Variants in ACSM3 observed in about 807,000 individuals in gnomAD.
The protein encoded by ACSM3 is acyl-CoA synthetase medium chain family member 3.
In ACSM3, 61 loss-of-function variants were observed where a neutral mutation model predicts 74.1. The observed-to-expected ratio is 0.82, with a 90% CI of 0.67 to 1.02. The LOEUF (loss-of-function observed/expected upper bound fraction) is 1.02. ACSM3 is among the 50% of genes least tolerant of loss of function. ACSM3 has a pLI of 0.00. For missense variants in ACSM3, 660 were observed against 697.0 expected, an observed-to-expected ratio of 0.95 and a Z score of 0.60; for synonymous variants, 213 against 241.5, an observed-to-expected ratio of 0.88 and a Z score of 1.09.
At chr16:20,793,798 T>A (rs2080659320) in intron 12 of ACSM3, among the ~76,000 whole-genome samples, 1 of 152,230 alleles carries the variant, frequency 6.6e-6, no homozygotes, top group South Asian at 2.1e-4. Context: ...GAGTCTTAGC[T>A]CTTCCTGTAC....
chr16:20,739,002 T>C, intron 1 of ACSM3: 1 of 1,614,208 alleles, frequency 6.2e-7, no homozygotes, highest in Non-Finnish European at 8.5e-7. Context: ...CCAACTTCTT[T>C]CTTCAAGGCA....
At chr16:20,737,753 T>C in intron 1 of ACSM3, 1 of 1,613,788 alleles carries the variant, frequency 6.2e-7, no homozygotes, top group South Asian at 1.1e-5. Context: ...TGACTGTTAT[T>C]TCGAGATTTG....
chr16:20,720,412 C>T (rs534148070), intron 1 of ACSM3, among the ~76,000 whole-genome samples: 14 of 152,176 alleles, frequency 9.2e-5, no homozygotes, highest in African/African-American at 3.4e-4. Context: ...CAATAGGGTA[C>T]GCACTCCTAT....
chr16:20,792,917 C>T (rs556461851), intron 12 of ACSM3, among the ~76,000 whole-genome samples: 1 of 152,274 alleles, frequency 6.6e-6, no homozygotes, highest in South Asian at 2.1e-4. Context: ...CAGCCTCCTG[C>T]GTTTTGCCTG....
chr16:20,681,957 A>T, intron 1 of ACSM3: 1 of 255,502 alleles, frequency 3.9e-6, no homozygotes, highest in South Asian at 5.5e-5. Flanking sequence ...AAGTTGTAAA[A>T]CATGTTTTTC....
In ACSM3 at chr16:20,764,166, CT is replaced by C. The variant is rs1445809734; in HGVS notation, c.-52+42del. On this transcript the variant is annotated intron_variant, in intron 1 of 13. Transcript: ENST00000289416. ...CCCCTCCTGTGTAAGATTTCCTGAA[CT>C]GGCACATCTGTTTTTTGAGCAAAGA... 2.0e-5 allele frequency: 3 copies of C among 152,326 alleles called. No individual in the cohort carries two copies. In the South Asian group the frequency reaches 6.2e-4, roughly 32 times the overall value. 9.4% of individuals were successfully genotyped at this position (152,326 alleles called of 1,614,324 possible).
intron 1 of ACSM3, 145 bp from the exon 2 acceptor site, chr16:20,769,839 G>C: frequency 1.7e-6 from 1 of 593,794 alleles, no homozygotes; most frequent in Middle Eastern, 4.6e-4. Flanking sequence ...ATAAAACACT[G>C]AGCACTGTGT....
chr16:20,710,317 T>G (rs2079740177), intron 1 of ACSM3, among the ~76,000 whole-genome samples: 1 of 152,114 alleles, frequency 6.6e-6, no homozygotes, highest in Non-Finnish European at 1.5e-5. Context: ...AAAACAGTAG[T>G]CTCTAGGCAT....
intron 1 of ACSM3, among the ~76,000 whole-genome samples, chr16:20,724,804 C>G (rs939525356): frequency 1.3e-5 from 2 of 152,318 alleles, no homozygotes; most frequent in African/African-American, 4.8e-5. Context: ...AATAAACTTA[C>G]AAGGGAATCC....
intron 9 of ACSM3, chr16:20,789,612 A>G: frequency 1.6e-6 from 2 of 1,247,378 alleles, no homozygotes; most frequent in Non-Finnish European, 2.4e-6. Context: ...AGAGGAAAAG[A>G]TAATCAAGAC....
chr16:20,741,800 A>G lies in ACSM3; in HGVS notation c.-189-8110A>G, dbSNP rs755112249. 31 of 1,546,166 alleles carry G rather than the reference A, an allele frequency of 2.0e-5. 1 individual carries two copies. In the South Asian group the frequency reaches 3.2e-4, roughly 16 times the overall value. The stretch of plus-strand genomic sequence containing the variant: ...TCCGCTGCTGTTGGCGTCCTCGTCT[A>G]TCGCCGGCGCGAACTGGTGACGTCG... On this transcript the variant is annotated intron_variant, in intron 1 of 3. Transcript: ENST00000561584.
chr16:20,747,698 G>T (rs1054965193), intron 1 of ACSM3, among the ~76,000 whole-genome samples: 3 of 152,178 alleles, frequency 2.0e-5, no homozygotes, highest in African/African-American at 7.2e-5. Flanking sequence ...ATCACCAATG[G>T]TGGCATCTCA....
At chr16:20,750,540 A>G (rs2079981669) in intron 2 of ACSM3, among the ~76,000 whole-genome samples, 1 of 152,134 alleles carries the variant, frequency 6.6e-6, no homozygotes, top group Non-Finnish European at 1.5e-5. Context: ...CTTAGGGGAG[A>G]GCGGGGCCTC....
intron 1 of ACSM3, among the ~76,000 whole-genome samples, chr16:20,704,721 G>T (rs576146025): frequency 6.6e-6 from 1 of 152,302 alleles, no homozygotes; most frequent in African/African-American, 2.4e-5. Context: ...GAGTATAAAA[G>T]TATAGCCAAG....
intron 1 of ACSM3, among the ~76,000 whole-genome samples, chr16:20,748,923 G>A (rs570906370): frequency 6.6e-6 from 1 of 152,036 alleles, no homozygotes; most frequent in Non-Finnish European, 1.5e-5. Context: ...GTGGTTGTGG[G>A]CACTTGTAAC....
intron 1 of ACSM3, chr16:20,720,847 C>T (rs2079782708): frequency 6.6e-6 from 1 of 152,108 alleles, no homozygotes; most frequent in Admixed American, 6.5e-5. Flanking sequence ...AATTAGAATC[C>T]ATGGAGCAGA....
chr16:20,683,561 C>T lies in ACSM3; in HGVS notation c.-190+8739C>T, dbSNP rs143928598. Among the ~76,000 whole-genome samples, 657 of 152,064 alleles carry T rather than the reference C, an allele frequency of 4.3e-3. 4 individuals are homozygous for T. The highest frequency in any genetic ancestry group is 0.015 in the African/African-American group (607 of 41,462). ...CACCTTATTTTCTATTTCAAAATGG[C>T]CATGCCTCACCCCATGCTTGGAATG... On this transcript the variant is annotated intron_variant, in intron 1 of 3. Coordinates refer to the ACSM3 transcript ENST00000561584.
intron 1 of ACSM3, among the ~76,000 whole-genome samples, chr16:20,688,110 A>T (rs1024732244): frequency 6.6e-6 from 1 of 152,020 alleles, no homozygotes; most frequent in Non-Finnish European, 1.5e-5. Flanking sequence ...AAAGAACCAA[A>T]CAATATTTGG....
intron 9 of ACSM3, chr16:20,789,684 CTT>C (rs561663756): frequency 0.047 from 20,061 of 431,258 alleles, no homozygotes; most frequent in Middle Eastern, 0.06. Context: ...CTCTATTTTT[CTT>C]TTTTTTTTTT....
Sources: allele counts gnomAD v4.1 joint callset (sites outside exome capture counted in the v4.1 genomes callset), GRCh38; gene constraint gnomAD v4.1.1; transcripts MANE v1.5; gene names NCBI Gene and HGNC (gene_info 2026-07-23, HGNC 2026-07-21).